GLIS3: variants seen among roughly 807,000 people sequenced by gnomAD.
GLIS3 encodes zinc finger protein GLIS3.
GLIS3 carries 53 observed loss-of-function variants against 78.6 expected under a neutral mutation model. The ratio of observed to expected loss-of-function variants is 0.67; its 90% CI spans 0.54 to 0.85. The LOEUF (loss-of-function observed/expected upper bound fraction) is 0.85, where lower values mean the gene tolerates loss of function less well. Among genes scored for constraint, GLIS3 ranks in the 40% least tolerant of loss-of-function variants. GLIS3 has a pLI of 0.00. For missense variants in GLIS3, 1,703 were observed against 1,231.1 expected, an observed-to-expected ratio of 1.38 and a Z score of -5.74; for synonymous variants, 684 against 509.9, an observed-to-expected ratio of 1.34 and a Z score of -4.60.
chr9:4,211,998 T>C (rs1820420596), intron 2 of GLIS3, among the ~76,000 whole-genome samples: 1 of 152,104 alleles, frequency 6.6e-6, no homozygotes. Flanking sequence ...AGTAGATTAG[T>C]GGTTGCCTGG....
At chr9:4,262,007 T>G (rs1825577763) in intron 2 of GLIS3, among the ~76,000 whole-genome samples, 1 of 152,176 alleles carries the variant, frequency 6.6e-6, no homozygotes, top group African/African-American at 2.4e-5. Context: ...GTAAGGTGGT[T>G]GTCTAGTGCT....
chr9:4,322,531 C>G (rs10758605), intron 2 of GLIS3, among the ~76,000 whole-genome samples: 42,432 of 151,870 alleles, frequency 0.28, 7,632 homozygotes, highest in African/African-American at 0.51. Flanking sequence ...GTGTAAAAGT[C>G]TTCCTATTTC....
intron 2 of GLIS3, among the ~76,000 whole-genome samples, chr9:4,267,945 C>CG (rs1826164708): frequency 8.2e-6 from 1 of 122,684 alleles, no homozygotes; most frequent in South Asian, 2.3e-4. Flanking sequence ...ATAAAAATAC[C>CG]TGTGTGTGTG....
intron 2 of GLIS3, among the ~76,000 whole-genome samples, chr9:4,279,761 A>G (rs560207244): frequency 3.6e-4 from 55 of 152,124 alleles, no homozygotes; most frequent in African/African-American, 1.3e-3. Flanking sequence ...TACTGATACT[A>G]GTTTAAAATG....
At chr9:4,321,980 T>G (rs539479076) in intron 2 of GLIS3, among the ~76,000 whole-genome samples, 1 of 152,248 alleles carries the variant, frequency 6.6e-6, no homozygotes, top group Non-Finnish European at 1.5e-5. Context: ...CTGCACCCAT[T>G]AACTAGTCAT....
chr9:3,917,621 C>G (rs1166250634), intron 6 of GLIS3, among the ~76,000 whole-genome samples: 1 of 150,476 alleles, frequency 6.6e-6, no homozygotes, highest in African/African-American at 2.4e-5. Flanking sequence ...TTTCAATGCT[C>G]TCTACTTCCA....
chr9:4,480,225 G>A, the GLIS3 span, among the ~76,000 whole-genome samples: 2 of 111,522 alleles, frequency 1.8e-5, no homozygotes, highest in East Asian at 5.6e-4. Context: ...TTTTTTTTGA[G>A]ATGAAGTCTC....
intron 2 of GLIS3, among the ~76,000 whole-genome samples, chr9:4,200,280 C>G (rs1182973635): frequency 2.0e-5 from 3 of 151,356 alleles, no homozygotes; most frequent in East Asian, 3.9e-4. Context: ...CCAGAGCTAG[C>G]AGAAGAAAAT....
At chr9:4,113,484 T>C (rs1009168455) in intron 4 of GLIS3, among the ~76,000 whole-genome samples, 3 of 152,198 alleles carry the variant, frequency 2.0e-5, no homozygotes, top group Admixed American at 6.5e-5. Context: ...CATACCCTTA[T>C]TGATACTTGG....
chr9:3,996,316 CAGAGA>C (rs912685557), intron 4 of GLIS3, among the ~76,000 whole-genome samples: 1 of 151,802 alleles, frequency 6.6e-6, no homozygotes, highest in Admixed American at 6.6e-5. Context: ...GAACAGAGAC[CAGAGA>C]AAACAGAAAA....
At chr9:3,965,194 T>TTTC (rs1160234127) in intron 4 of GLIS3, among the ~76,000 whole-genome samples, 7 of 84,314 alleles carry the variant, frequency 8.3e-5, no homozygotes, top group Non-Finnish European at 5.7e-5. Context: ...TTTTCTTTTC[T>TTTC]TTTTTTTTTT....
At chr9:3,840,158 T>C (rs1461569676) in intron 9 of GLIS3, among the ~76,000 whole-genome samples, 1 of 152,230 alleles carries the variant, frequency 6.6e-6, no homozygotes, top group Non-Finnish European at 1.5e-5. Flanking sequence ...CTCTGGCACA[T>C]AGTAGGCCTT....
At chr9:4,266,145 C>G (rs953140479) in intron 2 of GLIS3, among the ~76,000 whole-genome samples, 4 of 151,866 alleles carry the variant, frequency 2.6e-5, no homozygotes, top group African/African-American at 9.7e-5. Context: ...GTCTCGATCT[C>G]CTGACCTCAT....
intron 2 of GLIS3, among the ~76,000 whole-genome samples, chr9:4,176,042 G>A (rs891893590): frequency 1.3e-5 from 2 of 152,296 alleles, no homozygotes; most frequent in Middle Eastern, 6.8e-3. Flanking sequence ...AGAACTGCAA[G>A]TGTGCCAAAT....
chr9:3,879,567 G>C lies in GLIS3; in HGVS notation c.2157C>G (p.Ser719Arg). 6.2e-7 allele frequency: 1 copy of C among 1,614,108 alleles called. No homozygotes were observed. The highest frequency in any genetic ancestry group is 1.1e-5 in the South Asian group (1 of 91,074). ...CGGCCCCAGCAGCTGTTCCACTTCG[G>C]CTTGAATAATTGCTGGAGAAAATGG... ...SAPIFSSNYS[S>R]RSGTAAGAVP... The change falls in exon 8 of 11, where the codon AGC (serine) becomes AGG (arginine). Residue 719 changes from serine (S) to arginine (R), a missense_variant. By Grantham distance (110) the Ser-to-Arg change is moderately radical. Transcript: ENST00000381971.
At chr9:4,465,792 CT>C in the GLIS3 span, among the ~76,000 whole-genome samples, 1 of 152,126 alleles carries the variant, frequency 6.6e-6, no homozygotes, top group Non-Finnish European at 1.5e-5. Context: ...GGATTTCTGC[CT>C]CTGGCTCTAA....
At chr9:4,283,835 G>A (rs1827764027) in intron 2 of GLIS3, among the ~76,000 whole-genome samples, 1 of 152,156 alleles carries the variant, frequency 6.6e-6, no homozygotes, top group Non-Finnish European at 1.5e-5. Flanking sequence ...GACCACTGAT[G>A]GTATCTAAGC....
the GLIS3 span, among the ~76,000 whole-genome samples, chr9:4,359,830 G>C: frequency 6.6e-6 from 1 of 151,972 alleles, no homozygotes; most frequent in African/African-American, 2.4e-5. Context: ...AATTAATCTT[G>C]ATGTTAAATA....
chr9:3,917,089 C>T (rs1462490909), intron 6 of GLIS3, among the ~76,000 whole-genome samples: 1 of 152,254 alleles, frequency 6.6e-6, no homozygotes, highest in East Asian at 1.9e-4. Flanking sequence ...TACCACAGAA[C>T]ATTTAAAAGG....
Sources: allele counts gnomAD v4.1 joint callset (sites outside exome capture counted in the v4.1 genomes callset), GRCh38; gene constraint gnomAD v4.1.1; transcripts MANE v1.5; gene names NCBI Gene and HGNC (gene_info 2026-07-23, HGNC 2026-07-21).